The following PDIA5 variants were observed in gnomAD, a reference collection of about 807,000 sequenced individuals.
PDIA5 encodes the protein protein disulfide-isomerase A5.
Under a neutral mutation model 77.6 loss-of-function variants are expected in PDIA5, and 58 were observed. The ratio of observed to expected loss-of-function variants is 0.75; its 90% CI spans 0.61 to 0.93. The LOEUF (loss-of-function observed/expected upper bound fraction) is 0.93. Among genes scored for constraint, PDIA5 ranks in the 40% least tolerant of loss-of-function variants. The pLI, the probability that PDIA5 is intolerant of heterozygous loss-of-function variation, is 0.00. For synonymous variants in PDIA5, 250 were observed against 252.1 expected (o/e 0.99, Z 0.08); for missense variants, 630 against 647.7 (o/e 0.97, Z 0.30).
chr3:123,135,675 G>C (rs1443969747), intron 11 of PDIA5, among the ~76,000 whole-genome samples: 4 of 146,344 alleles, frequency 2.7e-5, no homozygotes, highest in Non-Finnish European at 6.0e-5. Flanking sequence ...AGAAAATCTA[G>C]AAGGTATAGT....
chr3:123,091,493 G>A (rs901100205), intron 2 of PDIA5, among the ~76,000 whole-genome samples: 1 of 152,186 alleles, frequency 6.6e-6, no homozygotes, highest in Admixed American at 6.5e-5. Context: ...ACTGGCCACA[G>A]CCACTTTGCA....
chr3:123,109,549 G>A (rs376583004), intron 6 of PDIA5, among the ~76,000 whole-genome samples: 10 of 151,982 alleles, frequency 6.6e-5, no homozygotes, highest in African/African-American at 1.9e-4. Context: ...CTCTAGTTAC[G>A]TAAACAAAGG....
rs371199478 is a variant in PDIA5, at chr3:123,092,393, G to A, written c.208G>A (p.Val70Met). Reference protein sequence around the residue: ...AENHLRLLSTVAQAVKGQGTI... With the variant: ...AENHLRLLSTMAQAVKGQGTI... Reference sequence around the variant, plus strand: ...AAATCATCTCAGGTTACTGTCCACAGTGGCCCAGGCGGTGAAAGGACAAGG... The same window carrying A: ...AAATCATCTCAGGTTACTGTCCACAATGGCCCAGGCGGTGAAAGGACAAGG... Residue 70 changes from valine to methionine, a missense_variant, in exon 3 of 17, where the codon GTG becomes ATG. By Grantham distance (21) the Val-to-Met change is conservative. Transcript: ENST00000316218. The A allele has an allele frequency of 2.5e-6, 4 of 1,613,718 alleles. No homozygotes were observed. Among genetic ancestry groups the A allele is most frequent in the Non-Finnish European group, 3.4e-6 (4 of 1,179,864 alleles).
At chr3:123,080,164 G>T (rs1933962834) in intron 1 of PDIA5, among the ~76,000 whole-genome samples, 1 of 151,042 alleles carries the variant, frequency 6.6e-6, no homozygotes, top group South Asian at 2.1e-4. Flanking sequence ...GTGTGGGGGG[G>T]ATTTAACATT....
intron 6 of PDIA5, among the ~76,000 whole-genome samples, chr3:123,107,689 G>C (rs1934768787): frequency 6.6e-6 from 1 of 152,180 alleles, no homozygotes; most frequent in African/African-American, 2.4e-5. Flanking sequence ...TGGTCTGTGA[G>C]GCAAGCAGTG....
intron 11 of PDIA5, among the ~76,000 whole-genome samples, chr3:123,136,748 A>T (rs1312195378): frequency 2.5e-3 from 367 of 145,834 alleles, no homozygotes; most frequent in African/African-American, 8.8e-3. Flanking sequence ...AAAAAAAAAA[A>T]AGGGGGTTGG....
At chr3:123,140,153 G>A (rs1935592131) in intron 11 of PDIA5, among the ~76,000 whole-genome samples, 1 of 152,098 alleles carries the variant, frequency 6.6e-6, no homozygotes. Context: ...CTCCAGGTGG[G>A]TAGGAAAGAA....
chr3:123,101,732 C>T (rs1337080174), intron 3 of PDIA5, among the ~76,000 whole-genome samples: 1 of 152,012 alleles, frequency 6.6e-6, no homozygotes, highest in Admixed American at 6.6e-5. Flanking sequence ...TAAAAACTTG[C>T]CTGATAATTC....
intron 10 of PDIA5, among the ~76,000 whole-genome samples, chr3:123,127,477 A>G (rs529229836): frequency 5.3e-5 from 8 of 152,318 alleles, no homozygotes; most frequent in South Asian, 2.1e-4. Context: ...CTCGGCCTAT[A>G]TGAGCCTGAG....
chr3:123,104,637 G>A (rs534486885), intron 5 of PDIA5, among the ~76,000 whole-genome samples: 4 of 152,340 alleles, frequency 2.6e-5, no homozygotes, highest in Non-Finnish European at 5.9e-5. Flanking sequence ...AACTCGAAGT[G>A]GGGAATGTCC....
At chr3:123,103,712 G>A (rs1385794028) in intron 5 of PDIA5, among the ~76,000 whole-genome samples, 3 of 151,978 alleles carry the variant, frequency 2.0e-5, no homozygotes, top group East Asian at 1.9e-4. Flanking sequence ...TTGCTACAGC[G>A]TTCACCTTAT....
intron 1 of PDIA5, among the ~76,000 whole-genome samples, chr3:123,078,588 A>C (rs894135159): frequency 8.5e-5 from 13 of 152,138 alleles, no homozygotes; most frequent in African/African-American, 1.9e-4. Flanking sequence ...TTTATATATG[A>C]TGTTCCTTTG....
At position 123,098,050 on chromosome 3, in the gene PDIA5, T is replaced by C. The variant is rs115467842; in HGVS notation, c.258-4361T>C. Among the ~76,000 whole-genome samples, 1,063 of 152,270 alleles carry C rather than the reference T, an allele frequency of 7.0e-3. 17 individuals are homozygous for C. The highest frequency in any genetic ancestry group is 0.024 in the African/African-American group (992 of 41,548). On this transcript the variant is annotated intron_variant, in intron 3 of 16. Coordinates refer to ENST00000316218, the MANE Select transcript of PDIA5 (RefSeq NM_006810.4). ...GGCGAGGAGAGAAATGACAGGGGTT[T>C]GGAGGTTTTTTTGTCTCCATCTTTT...
chr3:123,137,647 A>G (rs530403265), intron 11 of PDIA5, among the ~76,000 whole-genome samples: 1 of 152,250 alleles, frequency 6.6e-6, no homozygotes, highest in Admixed American at 6.5e-5. Flanking sequence ...GTCATGATTA[A>G]TTATTCTCAT....
At chr3:123,077,679 A>T (rs1362640761) in intron 1 of PDIA5, among the ~76,000 whole-genome samples, 1 of 152,090 alleles carries the variant, frequency 6.6e-6, no homozygotes, top group Non-Finnish European at 1.5e-5. Context: ...CGGTAGTGAG[A>T]TCCCCAAGCT....
At chr3:123,149,016 G>A (rs1935827757) in intron 13 of PDIA5, among the ~76,000 whole-genome samples, 2 of 152,238 alleles carry the variant, frequency 1.3e-5, no homozygotes, top group Admixed American at 6.5e-5. Context: ...TCAGGGAAAA[G>A]GCAGAGCAGA....
At chr3:123,132,953 G>A (rs1935404790) in intron 11 of PDIA5, among the ~76,000 whole-genome samples, 1 of 152,184 alleles carries the variant, frequency 6.6e-6, no homozygotes, top group Non-Finnish European at 1.5e-5. Flanking sequence ...AGGGATCAGG[G>A]CAAAAGCATG....
At chr3:123,122,304 A>G (rs549174676) in intron 8 of PDIA5, among the ~76,000 whole-genome samples, 16 of 152,314 alleles carry the variant, frequency 1.1e-4, no homozygotes, top group African/African-American at 3.6e-4. Context: ...TTTAAAGAAG[A>G]CAAATATTAC....
intron 8 of PDIA5, among the ~76,000 whole-genome samples, chr3:123,120,391 T>G (rs1488845071): frequency 6.6e-6 from 1 of 152,100 alleles, no homozygotes; most frequent in African/African-American, 2.4e-5. Flanking sequence ...GAGGAACAAA[T>G]GGGCTGTGTG....
Sources: gnomAD v4.1 joint callset for allele counts (sites outside exome capture counted in the v4.1 genomes callset) on GRCh38, gnomAD v4.1.1 for gene constraint, MANE v1.5 for transcripts, NCBI Gene and HGNC (gene_info 2026-07-23, HGNC 2026-07-21) for gene names.